The following NCALD variants were observed in gnomAD, a reference collection of about 807,000 sequenced individuals.
NCALD encodes neurocalcin delta.
Under a neutral mutation model 18.6 loss-of-function variants are expected in NCALD, and 10 were observed. The ratio of observed to expected loss-of-function variants is 0.54; its 90% CI spans 0.33 to 0.91. The LOEUF is 0.91. Among genes scored for constraint, NCALD ranks in the 40% least tolerant of loss-of-function variants. The pLI, the probability that NCALD is intolerant of heterozygous loss-of-function variation, is 0.03. For synonymous variants in NCALD, 88 were observed against 87.4 expected (o/e 1.01, Z -0.04); for missense variants, 184 against 247.6 (o/e 0.74, Z 1.72).
At chr8:101,943,552 T>A (rs1586798113) in intron 2 of NCALD, among the ~76,000 whole-genome samples, 1 of 152,052 alleles carries the variant, frequency 6.6e-6, no homozygotes, top group Non-Finnish European at 1.5e-5. Context: ...ATGACAGATA[T>A]CCCAGTCACT....
At chr8:101,999,717 A>C (rs1340447778) in intron 2 of NCALD, among the ~76,000 whole-genome samples, 1 of 152,192 alleles carries the variant, frequency 6.6e-6, no homozygotes, top group Non-Finnish European at 1.5e-5. Context: ...AAAATTAATA[A>C]AAAATAAAAG....
chr8:102,096,921 A>C lies in NCALD; in HGVS notation c.-210+27316T>G, dbSNP rs1021607183. On this transcript the variant is annotated intron_variant, in intron 1 of 6. Coordinates refer to the NCALD transcript ENST00000311028. ...ACCTGGACACCCTCCACTGGTAACA[A>C]GATGACCTCATTTTACCGTAATTAC... Among the ~76,000 whole-genome samples, 62 of 152,250 alleles carry C rather than the reference A, an allele frequency of 4.1e-4. 1 individual carries two copies. The highest frequency in any genetic ancestry group is 4.4e-5 in the Non-Finnish European group (3 of 68,050).
At chr8:102,033,256 G>A (rs1822745156) in intron 1 of NCALD, among the ~76,000 whole-genome samples, 1 of 152,078 alleles carries the variant, frequency 6.6e-6, no homozygotes, top group Non-Finnish European at 1.5e-5. Context: ...AGCTAACCTG[G>A]TAGAATGATG....
chr8:101,716,121 T>C (rs933383812), intron 2 of NCALD, among the ~76,000 whole-genome samples: 4 of 152,170 alleles, frequency 2.6e-5, no homozygotes, highest in African/African-American at 9.7e-5. Context: ...ATATACACCA[T>C]AGAATACTAT....
chr8:102,008,541 A>C (rs1037893910), intron 2 of NCALD, among the ~76,000 whole-genome samples: 4 of 151,922 alleles, frequency 2.6e-5, no homozygotes, highest in Admixed American at 1.3e-4. Context: ...AAAGCAGGAG[A>C]TAAAACTCCC....
At chr8:102,081,561 A>ACCC (rs1824531792) in intron 1 of NCALD, among the ~76,000 whole-genome samples, 1 of 112,484 alleles carries the variant, frequency 8.9e-6, no homozygotes, top group Non-Finnish European at 1.7e-5. Context: ...AAAAAAAAAA[A>ACCC]AAAAAAAAAA....
At chr8:101,709,680 T>C (rs1247986540) in intron 2 of NCALD, among the ~76,000 whole-genome samples, 3 of 152,172 alleles carry the variant, frequency 2.0e-5, no homozygotes, top group African/African-American at 7.2e-5. Context: ...GCCACTTGCT[T>C]GCTTGGTTGA....
chr8:101,767,938 C>A (rs951480866), intron 1 of NCALD, among the ~76,000 whole-genome samples: 1 of 152,196 alleles, frequency 6.6e-6, no homozygotes, highest in East Asian at 1.9e-4. Flanking sequence ...AGTAACTGGG[C>A]AACAGCTATA....
intron 4 of NCALD, among the ~76,000 whole-genome samples, chr8:101,878,759 A>C (rs1410510127): frequency 1.3e-5 from 2 of 152,232 alleles, no homozygotes; most frequent in African/African-American, 4.8e-5. Context: ...TTATAAGTAA[A>C]GTATGATGAT....
rs77422115 is a variant in NCALD, at chr8:101,731,549, T to C, written c.-19-11901A>G. Among the ~76,000 whole-genome samples, 134 of 152,286 alleles carry C rather than the reference T, an allele frequency of 8.8e-4. No individual in the cohort carries two copies. The East Asian group carries it at 0.024, about 27-fold the overall frequency. On this transcript the variant is annotated intron_variant, in intron 1 of 3. Transcript: ENST00000220931. ...CGCCCCCCATGGTCTGCCTGAGTTATAGTGACAGACATGTGAGTTTGGCAT... is the reference window on the plus strand; with the variant it reads ...CGCCCCCCATGGTCTGCCTGAGTTACAGTGACAGACATGTGAGTTTGGCAT...
At chr8:101,910,479 TG>T (rs1180809147) in intron 3 of NCALD, among the ~76,000 whole-genome samples, 2 of 152,132 alleles carry the variant, frequency 1.3e-5, no homozygotes, top group Non-Finnish European at 2.9e-5. Flanking sequence ...GGTGAATGTC[TG>T]TCTTCCCAGA....
At chr8:101,852,271 C>T (rs569635527) in intron 4 of NCALD, among the ~76,000 whole-genome samples, 1 of 152,186 alleles carries the variant, frequency 6.6e-6, no homozygotes, top group Non-Finnish European at 1.5e-5. Flanking sequence ...TCCTCTGATA[C>T]ACTGTACTAT....
chr8:101,887,137 TCA>T lies in NCALD; in HGVS notation c.-20+2_-20+3del, dbSNP rs1266112966. 1 of 152,078 alleles carries T rather than the reference TCA, an allele frequency of 6.6e-6. No homozygotes were observed. The highest frequency in any genetic ancestry group is 2.4e-5 in the African/African-American group (1 of 41,406). The allele number at this position is 152,078 out of a possible 1,614,324, so 9.4% of individuals were successfully genotyped here. A position where few individuals can be genotyped will look rare whatever the true frequency, so the allele number is the denominator to read the frequency against. On this transcript the variant is annotated splice_donor_variant and splice_donor_region_variant and intron_variant, in intron 4 of 6. Coordinates refer to the NCALD transcript ENST00000311028. LOFTEE classifies it low-confidence loss of function (5UTR_SPLICE). ...CCTTTCAAGAGATTAAAAAACTAAC[TCA>T]CAGTATGCAGTCACTCAGTGCCTGG...
chr8:101,917,361 C>A (rs185524586), intron 2 of NCALD, among the ~76,000 whole-genome samples: 1 of 151,954 alleles, frequency 6.6e-6, no homozygotes, highest in Non-Finnish European at 1.5e-5. Flanking sequence ...AGTTATAGCA[C>A]TAAACACCTA....
intron 1 of NCALD, among the ~76,000 whole-genome samples, chr8:101,762,574 T>TATCTGG (rs1811157025): frequency 6.6e-6 from 1 of 151,484 alleles, no homozygotes; most frequent in South Asian, 2.1e-4. Flanking sequence ...CAGACACTGC[T>TATCTGG]ATCTGGACAA....
intron 1 of NCALD, among the ~76,000 whole-genome samples, chr8:102,077,148 TG>T (rs150071040): frequency 6.6e-6 from 1 of 151,564 alleles, no homozygotes; most frequent in East Asian, 1.9e-4. Flanking sequence ...GTGGAGGGGG[TG>T]GGGTGGAATT....
intron 1 of NCALD, among the ~76,000 whole-genome samples, chr8:102,073,443 G>T (rs1824243768): frequency 6.6e-6 from 1 of 151,938 alleles, no homozygotes; most frequent in Non-Finnish European, 1.5e-5. Context: ...TAGAGATAGA[G>T]AGATATACCT....
intron 1 of NCALD, among the ~76,000 whole-genome samples, chr8:101,753,080 T>A (rs941350906): frequency 6.6e-6 from 1 of 152,136 alleles, no homozygotes; most frequent in South Asian, 2.1e-4. Context: ...ACAGAGAATA[T>A]ACAAATAATT....
intron 2 of NCALD, among the ~76,000 whole-genome samples, chr8:101,701,299 T>C (rs1815254596): frequency 6.6e-6 from 1 of 152,228 alleles, no homozygotes; most frequent in Non-Finnish European, 1.5e-5. Flanking sequence ...CCACCCCTTC[T>C]ACATTTAATG....
Sources: gnomAD v4.1 joint callset for allele counts (sites outside exome capture counted in the v4.1 genomes callset) on GRCh38, gnomAD v4.1.1 for gene constraint, MANE v1.5 for transcripts, NCBI Gene and HGNC (gene_info 2026-07-23, HGNC 2026-07-21) for gene names.